Variants in PSD3 observed in about 807,000 individuals in gnomAD.
PSD3 encodes the protein PH and SEC7 domain-containing protein 3.
In PSD3, 49 loss-of-function variants were observed where a neutral mutation model predicts 105.5. That is an observed-to-expected ratio of 0.46 (90% CI 0.37 to 0.59). The LOEUF is 0.59. Ranked by LOEUF, PSD3 falls within the 20% of genes least tolerant of loss-of-function variation. PSD3 has a pLI of 0.00. For synonymous variants in PSD3, 557 were observed against 457.8 expected, an observed-to-expected ratio of 1.22 and a Z score of -2.77; for missense variants, 1,561 against 1,263.8, an observed-to-expected ratio of 1.24 and a Z score of -3.57.
At chr8:18,877,616 A>G (rs1163951907) in intron 2 of PSD3, among the ~76,000 whole-genome samples, 2 of 147,678 alleles carry the variant, frequency 1.4e-5, no homozygotes, top group Non-Finnish European at 3.0e-5. Flanking sequence ...ATCACAGTTC[A>G]CTGCAGTGTT....
chr8:18,639,453 T>C lies in PSD3; in HGVS notation c.2217-6647A>G, dbSNP rs1316055968. 2.0e-5 allele frequency among the ~76,000 whole-genome samples: 3 copies of C among 152,174 alleles called. No individual in the cohort carries two copies. The East Asian group carries it at 5.8e-4, about 29-fold the overall frequency. ...TCTAGTCTTAGTGTTATGGGTTTAATTCAGTCCCCACAAGAGAAATTAAAG... is the reference window on the plus strand; with the variant it reads ...TCTAGTCTTAGTGTTATGGGTTTAACTCAGTCCCCACAAGAGAAATTAAAG... On this transcript the variant is annotated intron_variant, in intron 10 of 15. Transcript: ENST00000327040.
rs558186722 is a variant in PSD3 at position 19,052,106 on chromosome 8, G to A, written c.324+32100C>T. Among the ~76,000 whole-genome samples, 7 of 152,338 alleles carry A rather than the reference G, an allele frequency of 4.6e-5. No homozygotes were observed. The South Asian group carries it at 1.2e-3, about 27-fold the overall frequency. On this transcript the variant is annotated intron_variant, in intron 1 of 1. Transcript: ENST00000521475. ...GGAGCAAGATTGGATGGAAGCAAAG[G>A]TGGAGGCTGGAAGAGAGCAAGGATG... is the stretch of plus-strand genomic sequence containing the variant.
chr8:18,579,682 T>C (rs763236305), intron 12 of PSD3, among the ~76,000 whole-genome samples: 1 of 152,132 alleles, frequency 6.6e-6, no homozygotes, highest in Non-Finnish European at 1.5e-5. Context: ...AACATAAACA[T>C]CATCTACATA....
chr8:18,579,744 A>G (rs1457423250), intron 12 of PSD3, among the ~76,000 whole-genome samples: 1 of 152,184 alleles, frequency 6.6e-6, no homozygotes, highest in African/African-American at 2.4e-5. Context: ...AGGTAATATA[A>G]ACTACAATTT....
chr8:18,588,054 G>A (rs1449489468), intron 12 of PSD3, among the ~76,000 whole-genome samples: 1 of 152,088 alleles, frequency 6.6e-6, no homozygotes, highest in African/African-American at 2.4e-5. Context: ...CCAAGGGGAA[G>A]AAGTTTAACT....
rs1362668800 is a variant in PSD3 at position 18,969,804 on chromosome 8, G to A, written c.22-33662C>T. Among the ~76,000 whole-genome samples the A allele has an allele frequency of 2.0e-5, 3 of 152,066 alleles. No homozygotes were observed. In the South Asian group the frequency reaches 6.2e-4, roughly 32 times the overall value. On this transcript the variant is annotated intron_variant, in intron 1 of 15. Transcript: ENST00000327040. ...AGTCACGAGGAGCAAATATTTAGGA[G>A]GAAATAATAGTTCCATCATTATGGG...
intron 4 of PSD3, among the ~76,000 whole-genome samples, chr8:18,819,579 T>G (rs1169325333): frequency 7.2e-6 from 1 of 138,446 alleles, no homozygotes; most frequent in Non-Finnish European, 1.6e-5. Flanking sequence ...GAATGGATTT[T>G]TTTTTTTTTT....
chr8:18,962,523 T>C (rs187799906), intron 1 of PSD3, among the ~76,000 whole-genome samples: 231 of 152,274 alleles, frequency 1.5e-3, no homozygotes, highest in African/African-American at 5.5e-3. Context: ...GCAAACTATA[T>C]TGCTAATGCA....
upstream of PSD3, among the ~76,000 whole-genome samples, chr8:19,018,671 ATTTG>A (rs1182877561): frequency 9.2e-5 from 14 of 152,212 alleles, no homozygotes; most frequent in Admixed American, 8.5e-4. Flanking sequence ...GCCACTTGGA[ATTTG>A]TTTGGGCATT....
At chr8:18,720,410 AT>A (rs1282119461) in intron 9 of PSD3, among the ~76,000 whole-genome samples, 2 of 152,156 alleles carry the variant, frequency 1.3e-5, no homozygotes, top group African/African-American at 4.8e-5. Context: ...AAAGGGTATA[AT>A]TTTATTAAGT....
chr8:18,828,036 AATATATATATG>A (rs1813349759), intron 4 of PSD3, among the ~76,000 whole-genome samples: 14 of 134,868 alleles, frequency 1.0e-4, no homozygotes, highest in African/African-American at 4.0e-4. Flanking sequence ...ACATATATAT[AATATATATATG>A]TATATATATA....
At chr8:18,571,049 C>T (rs1157434191) in intron 14 of PSD3, among the ~76,000 whole-genome samples, 1 of 151,906 alleles carries the variant, frequency 6.6e-6, no homozygotes, top group Non-Finnish European at 1.5e-5. Flanking sequence ...TTACTAGAGA[C>T]AGGGTTTTAC....
intron 14 of PSD3, 41 bp from the exon 15 acceptor site, chr8:18,556,393 A>AAAC: frequency 2.5e-6 from 4 of 1,583,064 alleles, no homozygotes; most frequent in South Asian, 1.2e-5. Context: ...CAAAAAAAAA[A>AAAC]CAAGTCAATA....
intron 1 of PSD3, among the ~76,000 whole-genome samples, chr8:18,977,950 G>C (rs76308498): frequency 0.015 from 2,286 of 152,280 alleles, 65 homozygotes; most frequent in African/African-American, 0.053. Context: ...ACCAGAGATG[G>C]ACTTTTGAGC....
intron 4 of PSD3, chr8:18,809,030 A>T: frequency 1.0e-6 from 1 of 974,216 alleles, no homozygotes; most frequent in Non-Finnish European, 1.4e-6. Flanking sequence ...TCGAGAACGT[A>T]AGAAACAGTG....
chr8:19,027,545 T>A (rs183239408), intron 1 of PSD3, among the ~76,000 whole-genome samples: 42 of 152,276 alleles, frequency 2.8e-4, no homozygotes, highest in African/African-American at 9.6e-4. Flanking sequence ...AATGAGGATA[T>A]TTCACCCCCT....
At chr8:18,638,558 AC>A (rs1235391914) in intron 10 of PSD3, among the ~76,000 whole-genome samples, 1 of 149,950 alleles carries the variant, frequency 6.7e-6, no homozygotes, top group Admixed American at 6.6e-5. Flanking sequence ...ACAAAAAAAA[AC>A]AAGTAGGAAT....
chr8:18,646,733 T>C (rs11985587), intron 10 of PSD3, among the ~76,000 whole-genome samples: 48,578 of 151,900 alleles, frequency 0.32, 8,013 homozygotes, highest in South Asian at 0.49. Flanking sequence ...TTACCAACTC[T>C]CACAGAGAAA....
rs1799653115 is a variant in PSD3 at position 18,532,031 on chromosome 8, A to G, written c.*3712T>C. ...CCAAAGGAACTCAATTTCAAGGACA[A>G]TTAATGAAACCCAAAAGGTTTTGTT... On this transcript the variant is annotated 3_prime_UTR_variant, in exon 16 of 16. Transcript: ENST00000327040. 6.6e-6 allele frequency: 1 copy of G among 152,234 alleles called. No individual in the cohort carries two copies. 9.4% of individuals were successfully genotyped at this position (152,234 alleles called of 1,614,324 possible). A position where few individuals can be genotyped will look rare whatever the true frequency, so the allele number is the denominator to read the frequency against.
Sources: allele counts gnomAD v4.1 joint callset (sites outside exome capture counted in the v4.1 genomes callset), GRCh38; gene constraint gnomAD v4.1.1; transcripts MANE v1.5; gene names NCBI Gene and HGNC (gene_info 2026-07-23, HGNC 2026-07-21).